KCTD3: variants seen among roughly 807,000 people sequenced by gnomAD.
KCTD3 encodes the protein BTB/POZ domain-containing protein KCTD3.
In KCTD3, 41 loss-of-function variants were observed where a neutral mutation model predicts 85.8. The observed-to-expected ratio is 0.48, with a 90% CI of 0.37 to 0.62. The LOEUF (loss-of-function observed/expected upper bound fraction) is 0.62. Ranked by LOEUF, KCTD3 falls within the 20% of genes least tolerant of loss-of-function variation. The probability of loss-of-function intolerance (pLI) is 0.00; values close to 1 mark genes in which losing one functional copy is unlikely to be tolerated. For missense variants in KCTD3, 724 were observed against 989.9 expected (o/e 0.73, Z 3.60); for synonymous variants, 338 against 345.4 (o/e 0.98, Z 0.24).
intron 8 of KCTD3, among the ~76,000 whole-genome samples, chr1:215,583,224 T>TA (rs1227384235): frequency 6.6e-6 from 1 of 152,142 alleles, no homozygotes. Flanking sequence ...TGAGTATACT[T>TA]ACAGTTATTT....
intron 15 of KCTD3, among the ~76,000 whole-genome samples, chr1:215,613,361 A>G (rs1655304269): frequency 6.6e-6 from 1 of 151,824 alleles, no homozygotes; most frequent in African/African-American, 2.4e-5. Flanking sequence ...GTCATGTTTT[A>G]CTTGTTGATT....
chr1:215,608,151 T>G lies in KCTD3; in HGVS notation c.1444T>G (p.Tyr482Asp). The stretch of plus-strand genomic sequence containing the variant: ...GGAGGAGACAGAAAGTCATGGTAGC[T>G]ATTCCTCTGGAAATGACATAGGTGG... ...SLEETESHGS[Y>D]SSGNDIGPFG... The change falls in exon 14 of 18, where the codon TAT becomes GAT. Residue 482 changes from tyrosine (Y) to aspartate (D), a missense_variant. Coordinates refer to ENST00000259154, the MANE Select transcript of KCTD3 (RefSeq NM_016121.5). 6.2e-7 allele frequency: 1 copy of G among 1,610,966 alleles called. No homozygotes were observed.
In KCTD3 at chr1:215,586,593, C is replaced by T; in HGVS notation, c.725C>T (p.Pro242Leu). The T allele has an allele frequency of 6.2e-7, 1 of 1,613,972 alleles. No individual in the cohort carries two copies. Among genetic ancestry groups the T allele is most frequent in the African/African-American group, 1.3e-5 (1 of 74,982 alleles). Reference protein sequence around the residue: ...VALNAKVVGGPHGDKDKMVAV... With the variant: ...VALNAKVVGGLHGDKDKMVAV... ...TTAAATGCAAAGGTGGTTGGAGGGCCACATGGAGACAAAGACAAAATGGTT... is the reference window on the plus strand; with the variant it reads ...TTAAATGCAAAGGTGGTTGGAGGGCTACATGGAGACAAAGACAAAATGGTT... The change falls in exon 9 of 18, where the codon CCA becomes CTA. Residue 242 changes from proline (P) to leucine (L), a missense_variant. Pro to Leu is a moderately conservative substitution (Grantham distance 98). Transcript: ENST00000259154.
intron 1 of KCTD3, among the ~76,000 whole-genome samples, chr1:215,568,266 C>T (rs1372284204): frequency 1.3e-5 from 2 of 152,064 alleles, no homozygotes; most frequent in Non-Finnish European, 2.9e-5. Flanking sequence ...TGAAAGATTT[C>T]TGTGATGGGA....
rs548809737 is a variant in KCTD3 at position 215,595,125 on chromosome 1, T to G, written c.818-231T>G. ...TTAGGAACCAAGCTTCAGGATAAGG[T>G]GTTATACAGCAGTATGAGATGGCTT... is the stretch of plus-strand genomic sequence containing the variant. On this transcript the variant is annotated intron_variant, in intron 9 of 17. Transcript: ENST00000259154. Among the ~76,000 whole-genome samples the G allele has an allele frequency of 2.0e-5, 3 of 152,302 alleles. No individual in the cohort carries two copies. In the East Asian group the frequency reaches 5.8e-4, roughly 29 times the overall value.
chr1:215,605,465 CCTTGAGCT>C (rs1654982503), intron 13 of KCTD3, among the ~76,000 whole-genome samples: 1 of 152,032 alleles, frequency 6.6e-6, no homozygotes, highest in South Asian at 2.1e-4. Context: ...GTTGGATTGC[CCTTGAGCT>C]CTTTCCTGGA....
intron 8 of KCTD3, among the ~76,000 whole-genome samples, chr1:215,581,578 C>T (rs935945977): frequency 1.3e-5 from 2 of 152,178 alleles, no homozygotes; most frequent in African/African-American, 4.8e-5. Flanking sequence ...AAAGATTGCT[C>T]TTTTCCAGAA....
chr1:215,573,729 A>C (rs2102553211), intron 1 of KCTD3, 57 bp from the exon 2 acceptor site: 1 of 1,013,232 alleles, frequency 9.9e-7, no homozygotes, highest in East Asian at 2.4e-5. Flanking sequence ...AAGTTAACTA[A>C]TACTGAAATT....
At position 215,621,233 on chromosome 1, in the gene KCTD3, G is replaced by A. The variant is rs1281309784; in HGVS notation, c.*615G>A. 1.3e-5 allele frequency: 2 copies of A among 152,536 alleles called. No individual in the cohort carries two copies. Among genetic ancestry groups the A allele is most frequent in the Non-Finnish European group, 2.9e-5 (2 of 68,010 alleles). The allele number at this position is 152,536 out of a possible 1,614,324, so 9.4% of individuals were successfully genotyped here. ...CATTTTCTGATTCTCATCATTGGGA[G>A]ATCTTAAATCTTAGCAAGCATTAGC... On this transcript the variant is annotated 3_prime_UTR_variant, in exon 18 of 18. Coordinates refer to ENST00000259154, the MANE Select transcript of KCTD3 (RefSeq NM_016121.5).
In KCTD3 at chr1:215,586,804, G is replaced by A. The variant is rs1303556686; in HGVS notation, c.817+119G>A. 1.1e-5 allele frequency: 8 copies of A among 727,708 alleles called. No individual in the cohort carries two copies. In the Admixed American group the frequency reaches 1.9e-4, roughly 18 times the overall value. The allele number at this position is 727,708 out of a possible 1,614,324, so 45.1% of individuals were successfully genotyped here. A position where few individuals can be genotyped will look rare whatever the true frequency, so the allele number is the denominator to read the frequency against. On this transcript the variant is annotated intron_variant, in intron 9 of 17. Transcript: ENST00000259154. ...CTGTCAGTTAGCTAGAGCTGTCACA[G>A]TATTTAATGTGGGAGGAATGATCTG... is the stretch of plus-strand genomic sequence containing the variant.
rs139936687 is a variant in KCTD3, at chr1:215,594,022, G to C, written c.818-1334G>C. ...TTACAGGCGTGTGCTACCATACCCA[G>C]CTAATTTTTGTATTTTTAGTAGAGA... On this transcript the variant is annotated intron_variant, in intron 9 of 17. Coordinates refer to ENST00000259154, the MANE Select transcript of KCTD3 (RefSeq NM_016121.5). Among the ~76,000 whole-genome samples, 881 of 152,088 alleles carry C rather than the reference G, an allele frequency of 5.8e-3. 5 individuals are homozygous for C. The highest frequency in any genetic ancestry group is 0.02 in the African/African-American group (838 of 41,470).
intron 8 of KCTD3, among the ~76,000 whole-genome samples, chr1:215,583,155 A>C (rs1659887944): frequency 6.6e-6 from 1 of 152,118 alleles, no homozygotes; most frequent in South Asian, 2.1e-4. Context: ...TTATTAAGAA[A>C]GTAAAGGAAT....
At chr1:215,615,343 G>A (rs1379132948) in intron 15 of KCTD3, among the ~76,000 whole-genome samples, 1 of 152,036 alleles carries the variant, frequency 6.6e-6, no homozygotes, top group Non-Finnish European at 1.5e-5. Flanking sequence ...TATCCCGGCC[G>A]GGCGTGGTGG....
Position 215,611,752 on chromosome 1 carries a change from T to G in KCTD3, c.1466-73T>G, listed in dbSNP as rs1013352878. 9 of 952,674 alleles carry G rather than the reference T, an allele frequency of 9.4e-6. No homozygotes were observed. The African/African-American group carries it at 1.5e-4, about 16-fold the overall frequency. 59.0% of individuals were successfully genotyped at this position (952,674 alleles called of 1,614,324 possible). ...AGAAATTCTTTTCTTATATTAATAT[T>G]AATGTTCCTTTTGTAAAATGAGAAA... On this transcript the variant is annotated intron_variant, in intron 14 of 17. Coordinates refer to ENST00000259154, the MANE Select transcript of KCTD3 (RefSeq NM_016121.5).
intron 9 of KCTD3, among the ~76,000 whole-genome samples, chr1:215,594,593 A>G (rs1468710643): frequency 6.6e-6 from 1 of 152,158 alleles, no homozygotes; most frequent in African/African-American, 2.4e-5. Flanking sequence ...TTTACCCCAT[A>G]GATACTATTA....
At chr1:215,608,871 T>G (rs1655134106) in intron 14 of KCTD3, among the ~76,000 whole-genome samples, 1 of 152,028 alleles carries the variant, frequency 6.6e-6, no homozygotes, top group South Asian at 2.1e-4. Flanking sequence ...GTTACCAGTT[T>G]TAACAGTTGT....
Position 215,619,279 on chromosome 1 carries a change from A to T in KCTD3, c.1874A>T (p.Glu625Val). The part of the protein sequence containing the change: ...TSVVQHSHLR[E>V]SNSSLQLQHH... The stretch of plus-strand genomic sequence containing the variant: ...GTAGTTCAGCATAGCCACTTACGAG[A>T]ATCAAATTCTAGGTAGGTTAAAGAG... Residue 625 changes from glutamate (E) to valine (V), a missense_variant, in exon 17 of 18, where the codon GAA (glutamate) becomes GTA (valine). Coordinates refer to ENST00000259154, the MANE Select transcript of KCTD3 (RefSeq NM_016121.5). 1 of 1,612,984 alleles carries T rather than the reference A, an allele frequency of 6.2e-7. No homozygotes were observed.
chr1:215,598,698 G>GAA, intron 10 of KCTD3, among the ~76,000 whole-genome samples: 1 of 151,768 alleles, frequency 6.6e-6, no homozygotes, highest in South Asian at 2.1e-4. Context: ...AAAGGTCATT[G>GAA]AAAAAAAATT....
At chr1:215,614,023 T>TTG (rs1655333975) in intron 15 of KCTD3, among the ~76,000 whole-genome samples, 1 of 129,432 alleles carries the variant, frequency 7.7e-6, no homozygotes, top group African/African-American at 3.1e-5. Context: ...GAATAGTTTT[T>TTG]TTTTTTTTTT....
Sources: gnomAD v4.1 joint callset for allele counts (sites outside exome capture counted in the v4.1 genomes callset) on GRCh38, gnomAD v4.1.1 for gene constraint, MANE v1.5 for transcripts, NCBI Gene and HGNC (gene_info 2026-07-23, HGNC 2026-07-21) for gene names.